NR4A3: variants seen among roughly 807,000 people sequenced by gnomAD.
The protein encoded by NR4A3 is chondrosarcoma, extraskeletal myxoid, fused to EWS.
A neutral mutation model predicts 55.6 loss-of-function variants in NR4A3; 13 were observed. The ratio of observed to expected loss-of-function variants is 0.23; its 90% confidence interval spans 0.15 to 0.37. NR4A3 has a LOEUF of 0.37. NR4A3 is among the 10% of genes least tolerant of loss of function. The pLI, the probability that NR4A3 is intolerant of heterozygous loss-of-function variation, is 1.00. For synonymous variants in NR4A3, 342 were observed against 357.9 expected, an observed-to-expected ratio of 0.96 and a Z score of 0.50; for missense variants, 646 against 822.8, an observed-to-expected ratio of 0.79 and a Z score of 2.63.
Position 99,864,350 on chromosome 9 carries a change from A to G in NR4A3, c.*483A>G. On this transcript the variant is annotated 3_prime_UTR_variant, in exon 8 of 8. Coordinates refer to ENST00000395097, the MANE Select transcript of NR4A3 (RefSeq NM_006981.4). ...GTATCAAAGGTACGTATGTGGTGCA[A>G]ACAAGGCAGAAACTTCCTTTTAATT... 1 of 229,102 alleles carries G rather than the reference A, an allele frequency of 4.4e-6. No individual in the cohort carries two copies. Among genetic ancestry groups the G allele is most frequent in the Non-Finnish European group, 8.7e-6 (1 of 115,210 alleles). 14.2% of individuals were successfully genotyped at this position (229,102 alleles called of 1,614,324 possible).
intron 7 of NR4A3, among the ~76,000 whole-genome samples, chr9:99,853,494 A>G (rs1827889285): frequency 2.3e-5 from 2 of 88,824 alleles, no homozygotes; most frequent in Non-Finnish European, 4.5e-5. Flanking sequence ...CGACCCCACC[A>G]CAGTCCCCAG....
At position 99,828,333 on chromosome 9, in the gene NR4A3, TCAC is replaced by T. The variant is rs753648433; in HGVS notation, c.318_320del (p.His108del). On this transcript the variant is annotated inframe_deletion, in exon 3 of 8. Coordinates refer to ENST00000395097, the MANE Select transcript of NR4A3 (RefSeq NM_006981.4). The surrounding 1 kb of genome is among the most constrained non-coding windows in gnomAD (Gnocchi z 7.7). ...GGCGGGCGCCCAGCTACCATCACCATCACCACCACCACCACCACCACCACCACC... is the reference window on the plus strand; with the variant it reads ...GGCGGGCGCCCAGCTACCATCACCATCACCACCACCACCACCACCACCACC... 1.5e-3 allele frequency: 2,371 copies of T among 1,593,496 alleles called. 18 individuals carry two copies. In the Admixed American group the frequency reaches 0.025, roughly 17 times the overall value.
chr9:99,826,690 G>C (rs1827300564), intron 2 of NR4A3: 1 of 1,265,904 alleles, frequency 7.9e-7, no homozygotes, highest in South Asian at 1.2e-5. Context: ...TTAAAGAAAG[G>C]CTTGAACTGG....
In NR4A3 at chr9:99,862,514, C is replaced by A. The variant is rs528013955; in HGVS notation, c.1634-1106C>A. ...GCAGTGAGCCAAGATCGCACCACTG[C>A]ACCCCAGCCTAGGCAACAGAGTAAG... On this transcript the variant is annotated intron_variant, in intron 7 of 7. Coordinates refer to ENST00000395097, the MANE Select transcript of NR4A3 (RefSeq NM_006981.4). 2.3e-5 allele frequency among the ~76,000 whole-genome samples: 3 copies of A among 130,900 alleles called. No homozygotes were observed. The East Asian group carries it at 6.7e-4, about 29-fold the overall frequency. The allele number at this position is 130,900 out of a possible 152,430, so 85.9% of individuals were successfully genotyped here.
intron 7 of NR4A3, 123 bp downstream of exon 7, chr9:99,847,738 C>A (rs902416488): frequency 1.1e-6 from 1 of 925,228 alleles, no homozygotes; most frequent in Non-Finnish European, 1.6e-6. Flanking sequence ...TTTCTGAAAT[C>A]TGTTAAGTTT....
At chr9:99,824,697 G>C (rs1294943740) in intron 1 of NR4A3, among the ~76,000 whole-genome samples, 1 of 152,212 alleles carries the variant, frequency 6.6e-6, no homozygotes, top group Non-Finnish European at 1.5e-5. Context: ...TTCGGTCCCT[G>C]TTCCCACTCT....
In NR4A3 at chr9:99,836,822, C is replaced by T. The variant is rs549727028; in HGVS notation, c.1254+3368C>T. On this transcript the variant is annotated intron_variant, in intron 5 of 7. Transcript: ENST00000395097. ...TAATGGCTATACTAATTTACATTCCCATCAGCAGTATATGAGTGCTCCCCT... is the reference window on the plus strand; with the variant it reads ...TAATGGCTATACTAATTTACATTCCTATCAGCAGTATATGAGTGCTCCCCT... 1.3e-3 allele frequency among the ~76,000 whole-genome samples: 203 copies of T among 152,348 alleles called. 1 individual carries two copies. The highest frequency in any genetic ancestry group is 6.8e-3 in the Middle Eastern group (2 of 294).
intron 7 of NR4A3, among the ~76,000 whole-genome samples, chr9:99,853,390 C>T (rs1360559422): frequency 8.3e-6 from 1 of 120,562 alleles, no homozygotes; most frequent in Admixed American, 9.0e-5. Flanking sequence ...AGGTTAGTTA[C>T]ATATGTATAC....
At chr9:99,856,126 C>T (rs901453772) in intron 7 of NR4A3, among the ~76,000 whole-genome samples, 1 of 152,086 alleles carries the variant, frequency 6.6e-6, no homozygotes, top group Non-Finnish European at 1.5e-5. Flanking sequence ...AAGCTTATTA[C>T]ATTTATTGCG....
At chr9:99,847,320 C>A in intron 6 of NR4A3, 117 bp from the exon 7 acceptor site, 1 of 907,886 alleles carries the variant, frequency 1.1e-6, no homozygotes, top group Non-Finnish European at 1.8e-6. Context: ...CTTCATAGCA[C>A]CACACTGGGG....
chr9:99,826,046 T>G (rs1002362409), intron 2 of NR4A3, among the ~76,000 whole-genome samples: 1 of 152,230 alleles, frequency 6.6e-6, no homozygotes, highest in African/African-American at 2.4e-5. Context: ...AAATTAAGCT[T>G]GCATTGCTCA....
rs1476070543 is a variant in NR4A3 at position 99,864,760 on chromosome 9, A to G, written c.*893A>G. 4 of 223,720 alleles carry G rather than the reference A, an allele frequency of 1.8e-5. No individual in the cohort carries two copies. Among genetic ancestry groups the G allele is most frequent in the Admixed American group, 5.7e-5 (1 of 17,432 alleles). The allele number at this position is 223,720 out of a possible 1,614,324, so 13.9% of individuals were successfully genotyped here. A position where few individuals can be genotyped will look rare whatever the true frequency, so the allele number is the denominator to read the frequency against. ...GTTTTGGTTGTGTTCTATCAACCCC[A>G]CCAGAGTTCCCTAAACTTGCTTCAG... is the stretch of plus-strand genomic sequence containing the variant. On this transcript the variant is annotated 3_prime_UTR_variant, in exon 8 of 8. Transcript: ENST00000395097.
intron 7 of NR4A3, 140 bp from the exon 8 acceptor site, chr9:99,863,480 A>C: frequency 2.1e-6 from 2 of 953,020 alleles, no homozygotes; most frequent in South Asian, 3.4e-5. Context: ...GCCATGAGCT[A>C]TCTCTAACAG....
intron 3 of NR4A3, among the ~76,000 whole-genome samples, chr9:99,832,003 C>T (rs559118917): frequency 8.6e-5 from 13 of 151,946 alleles, no homozygotes; most frequent in Non-Finnish European, 1.3e-4. Context: ...TCTCATTTTT[C>T]GTTTGTACCT....
rs966174429 is a variant in NR4A3 at position 99,825,486 on chromosome 9, G to A, written c.-176-173G>A. On this transcript the variant is annotated intron_variant, in intron 1 of 7. Transcript: ENST00000395097. The surrounding 1 kb of genome is among the most constrained non-coding windows in gnomAD (Gnocchi z 5.0). ...GAGGCCGTGTGATGCTTCTTGCCCA[G>A]GGGGACTCCTGTACCATTAATCACC... 6.6e-6 allele frequency among the ~76,000 whole-genome samples: 1 copy of A among 152,148 alleles called. No homozygotes were observed. The highest frequency in any genetic ancestry group is 2.4e-5 in the African/African-American group (1 of 41,438).
rs540438233 is a variant in NR4A3 at position 99,866,632 on chromosome 9, A to G, written c.*2765A>G. 1.8e-4 allele frequency: 41 copies of G among 226,982 alleles called. No homozygotes were observed. The highest frequency in any genetic ancestry group is 8.4e-4 in the African/African-American group (38 of 45,088). 14.1% of individuals were successfully genotyped at this position (226,982 alleles called of 1,614,324 possible). A position where few individuals can be genotyped will look rare whatever the true frequency, so the allele number is the denominator to read the frequency against. On this transcript the variant is annotated 3_prime_UTR_variant, in exon 8 of 8. Transcript: ENST00000395097. ...CCACACTAGCACAGAAGAGAACAAC[A>G]TGTATTAAAGCAGGTGATTCCTCCC...
chr9:99,859,712 T>C lies in NR4A3; in HGVS notation c.1634-3908T>C, dbSNP rs551068661. Among the ~76,000 whole-genome samples, 7 of 152,290 alleles carry C rather than the reference T, an allele frequency of 4.6e-5. No homozygotes were observed. In the South Asian group the frequency reaches 6.2e-4, roughly 14 times the overall value. On this transcript the variant is annotated intron_variant, in intron 7 of 7. Transcript: ENST00000395097. ...AAATTCTGCAGTACCTTCTGTGAGT[T>C]TGGCCATGAGAAAGTCTGGTTACAA...
At chr9:99,827,258 ATG>A (rs35554489) in intron 2 of NR4A3, among the ~76,000 whole-genome samples, 25,307 of 144,732 alleles carry the variant, frequency 0.17, 2,196 homozygotes, top group South Asian at 0.31. Context: ...GGATATATAT[ATG>A]TGTGTGTGTG....
intron 1 of NR4A3, among the ~76,000 whole-genome samples, chr9:99,823,910 G>T (rs1827235786): frequency 6.6e-6 from 1 of 151,898 alleles, no homozygotes; most frequent in Admixed American, 6.6e-5. Flanking sequence ...CGCTCCCCAG[G>T]GTTGGAAACT....
Sources: gnomAD v4.1 joint callset for allele counts (sites outside exome capture counted in the v4.1 genomes callset) on GRCh38, gnomAD v4.1.1 for gene constraint, Gnocchi (gnomAD v3.1) non-coding constraint, MANE v1.5 for transcripts, NCBI Gene and HGNC (gene_info 2026-07-23, HGNC 2026-07-21) for gene names.